Variants in OCA2 observed in about 807,000 individuals in gnomAD.
OCA2 encodes OCA2 melanosomal transmembrane protein.
Under a neutral mutation model 100.2 loss-of-function variants are expected in OCA2, and 77 were observed. The observed-to-expected ratio is 0.77, with a 90% CI of 0.64 to 0.93. OCA2 has a LOEUF of 0.93. Among genes scored for constraint, OCA2 ranks in the 40% least tolerant of loss-of-function variants. OCA2 has a pLI of 0.00. For missense variants in OCA2, 1,062 were observed against 1,089.1 expected (o/e 0.98, Z 0.35); for synonymous variants, 432 against 439.2 (o/e 0.98, Z 0.21).
chr15:27,886,799 G>T (rs1171415421), intron 19 of OCA2, among the ~76,000 whole-genome samples: 1 of 152,100 alleles, frequency 6.6e-6, no homozygotes, highest in Non-Finnish European at 1.5e-5. Context: ...GCTTACTCCT[G>T]CCAAGCACAC....
Position 27,872,000 on chromosome 15 carries a change from T to C in OCA2, c.2080-78A>G. On this transcript the variant is annotated intron_variant, in intron 19 of 23. Coordinates refer to ENST00000354638, the MANE Select transcript of OCA2 (RefSeq NM_000275.3). ...AGATTTAAAAAAAAAGTCTTGAAAA[T>C]GAAAAGACGTGAACATAAGGTAGGC... is the stretch of plus-strand genomic sequence containing the variant. The C allele has an allele frequency of 2.9e-6, 3 of 1,042,516 alleles. No individual in the cohort carries two copies. The South Asian group carries it at 3.8e-5, about 13-fold the overall frequency. 64.6% of individuals were successfully genotyped at this position (1,042,516 alleles called of 1,614,324 possible).
intron 23 of OCA2, among the ~76,000 whole-genome samples, chr15:27,817,672 C>T (rs2034354942): frequency 6.6e-6 from 1 of 152,144 alleles, no homozygotes; most frequent in Non-Finnish European, 1.5e-5. Flanking sequence ...GGTCTCCTCC[C>T]AGCTCCTCAT....
chr15:28,025,990 C>T (rs1017194988), intron 4 of OCA2, among the ~76,000 whole-genome samples: 10 of 152,230 alleles, frequency 6.6e-5, no homozygotes, highest in Non-Finnish European at 1.5e-4. Flanking sequence ...TACGATTCAA[C>T]AGCTCCTACT....
chr15:27,962,128 T>A (rs899508414), intron 15 of OCA2, among the ~76,000 whole-genome samples: 2 of 152,150 alleles, frequency 1.3e-5, no homozygotes, highest in Non-Finnish European at 2.9e-5. Context: ...TACAGATAGA[T>A]AAATAGAAGA....
At chr15:27,772,288 T>C (rs2151049755) in intron 23 of OCA2, among the ~76,000 whole-genome samples, 1 of 152,360 alleles carries the variant, frequency 6.6e-6, no homozygotes, top group South Asian at 2.1e-4. Flanking sequence ...TGGTATGCAT[T>C]ATTGTTTTTG....
At chr15:27,812,167 C>T (rs1185406975) in intron 23 of OCA2, among the ~76,000 whole-genome samples, 1 of 152,170 alleles carries the variant, frequency 6.6e-6, no homozygotes, top group African/African-American at 2.4e-5. Flanking sequence ...CATCAGTCAG[C>T]GGCTTCCAGC....
At chr15:27,750,845 G>A (rs747782414), downstream of OCA2, among the ~76,000 whole-genome samples, 1 of 152,178 alleles carries the variant, frequency 6.6e-6, no homozygotes, top group African/African-American at 2.4e-5. Context: ...GGCTTCTATG[G>A]GAAGCTTGAC....
the OCA2 span, among the ~76,000 whole-genome samples, chr15:27,746,511 C>T: frequency 6.6e-6 from 1 of 151,868 alleles, no homozygotes; most frequent in African/African-American, 2.4e-5. Context: ...TTTTTTCCCC[C>T]TGAAACTACT....
chr15:27,719,914 C>T, the OCA2 span, among the ~76,000 whole-genome samples: 1 of 152,136 alleles, frequency 6.6e-6, no homozygotes, highest in Non-Finnish European at 1.5e-5. Flanking sequence ...TCCTATAAAG[C>T]TGCTAATGCC....
At chr15:27,965,491 A>G (rs1449723514) in intron 15 of OCA2, among the ~76,000 whole-genome samples, 1 of 152,216 alleles carries the variant, frequency 6.6e-6, no homozygotes, top group Non-Finnish European at 1.5e-5. Flanking sequence ...TCTGAATAAC[A>G]TGAAAGTCAC....
intron 9 of OCA2, among the ~76,000 whole-genome samples, chr15:28,012,664 A>G (rs1383285081): frequency 1.3e-5 from 2 of 152,244 alleles, no homozygotes; most frequent in Non-Finnish European, 2.9e-5. Flanking sequence ...CTAAATGACA[A>G]ATAATACTAA....
intron 23 of OCA2, among the ~76,000 whole-genome samples, chr15:27,825,517 G>C (rs533211697): frequency 6.6e-6 from 1 of 152,208 alleles, no homozygotes; most frequent in South Asian, 2.1e-4. Flanking sequence ...TGGCCAGCCT[G>C]GGCGCCTGGG....
intron 19 of OCA2, among the ~76,000 whole-genome samples, chr15:27,891,317 T>C (rs1363416334): frequency 1.3e-5 from 2 of 151,912 alleles, no homozygotes; most frequent in Non-Finnish European, 2.9e-5. Context: ...AAAAATACTA[T>C]AAATGAATCA....
chr15:27,837,277 G>A (rs1438964336), intron 23 of OCA2, among the ~76,000 whole-genome samples: 2 of 152,252 alleles, frequency 1.3e-5, no homozygotes, highest in African/African-American at 4.8e-5. Flanking sequence ...GTTCTGGACT[G>A]TGGATTAGCG....
chr15:27,919,883 G>C (rs145215499), intron 19 of OCA2, among the ~76,000 whole-genome samples: 131 of 152,242 alleles, frequency 8.6e-4, no homozygotes, highest in Non-Finnish European at 1.5e-3. Context: ...GTGGGGGTTG[G>C]AGTATATGGA....
At chr15:27,898,747 C>T (rs549722274) in intron 19 of OCA2, among the ~76,000 whole-genome samples, 1 of 152,142 alleles carries the variant, frequency 6.6e-6, no homozygotes, top group Non-Finnish European at 1.5e-5. Flanking sequence ...GTGTTTTCAC[C>T]TGAAGGGATA....
In OCA2 at chr15:27,910,724, G is replaced by A. The variant is rs1247787039; in HGVS notation, c.2079+15403C>T. Among the ~76,000 whole-genome samples the A allele has an allele frequency of 4.6e-5, 7 of 151,880 alleles. No individual in the cohort carries two copies. The South Asian group carries it at 6.2e-4, about 14-fold the overall frequency. On this transcript the variant is annotated intron_variant, in intron 19 of 23. Transcript: ENST00000354638. ...TGTAATCCCAGCACTTTGGGAGGCC[G>A]AGGCAGGTGGATCACAAAGTCAGGA...
intron 23 of OCA2, among the ~76,000 whole-genome samples, chr15:27,770,400 C>G (rs891196390): frequency 2.6e-5 from 4 of 152,196 alleles, no homozygotes; most frequent in African/African-American, 9.6e-5. Context: ...GCGCTGTCCC[C>G]GTCTCCGCCG....
chr15:27,770,873 CCTTCCT>C (rs2031736697), intron 23 of OCA2, among the ~76,000 whole-genome samples: 1 of 95,216 alleles, frequency 1.1e-5, no homozygotes, highest in Non-Finnish European at 2.1e-5. Flanking sequence ...TTCCTTCCCT[CCTTCCT>C]TTGCTCCTTC....
Sources: allele counts gnomAD v4.1 joint callset (sites outside exome capture counted in the v4.1 genomes callset), GRCh38; gene constraint gnomAD v4.1.1; transcripts MANE v1.5; gene names NCBI Gene and HGNC (gene_info 2026-07-23, HGNC 2026-07-21).